The following PTPRZ1 variants were observed in gnomAD, a reference collection of about 807,000 sequenced individuals.
The protein encoded by PTPRZ1 is receptor-type tyrosine-protein phosphatase zeta.
PTPRZ1 carries 82 observed loss-of-function variants against 214.1 expected under a neutral mutation model. That is an observed-to-expected ratio of 0.38 (90% CI 0.32 to 0.46). The LOEUF is 0.46. PTPRZ1 is among the 20% of genes least tolerant of loss of function. PTPRZ1 has a pLI of 1.00. For synonymous variants in PTPRZ1, 945 were observed against 987.9 expected (o/e 0.96, Z 0.81); for missense variants, 2,603 against 2,748.7 (o/e 0.95, Z 1.19).
intron 9 of PTPRZ1, among the ~76,000 whole-genome samples, chr7:121,997,667 CAA>C (rs200025096): frequency 4.8e-4 from 39 of 82,010 alleles, no homozygotes; most frequent in Admixed American, 9.7e-4. Flanking sequence ...TTTTAAAAAG[CAA>C]AAAAAAAAAA....
chr7:122,022,233 T>C (rs1260755197), intron 13 of PTPRZ1, among the ~76,000 whole-genome samples: 5 of 152,244 alleles, frequency 3.3e-5, no homozygotes, highest in African/African-American at 9.6e-5. Flanking sequence ...TATGATTCAA[T>C]GGTTTTTAAA....
Position 122,013,590 on chromosome 7 carries a change from A to G in PTPRZ1, c.4544A>G (p.His1515Arg). ...TCAGCAAATGGGCTATCCCAAAAGC[A>G]CAATGATGGAAAAGAGGAAAATGAC... is the stretch of plus-strand genomic sequence containing the variant. ...SPSANGLSQK[H>R]NDGKEENDIQ... is the part of the protein sequence containing the mutation. The change falls in exon 12 of 30, where the codon CAC becomes CGC. Residue 1515 changes from histidine to arginine, a missense_variant. This residue lies in a region of PTPRZ1 where 1,913 missense variants were observed against 1,914.3 expected (regional missense o/e 1.00). Coordinates refer to ENST00000393386, the MANE Select transcript of PTPRZ1 (RefSeq NM_002851.3). The G allele has an allele frequency of 6.2e-7, 1 of 1,614,226 alleles. No homozygotes were observed.
At chr7:122,022,665 A>T (rs1236437023) in intron 13 of PTPRZ1, among the ~76,000 whole-genome samples, 1 of 152,172 alleles carries the variant, frequency 6.6e-6, no homozygotes, top group Admixed American at 6.6e-5. Context: ...TTTAATTTTG[A>T]TGAGGCCAAA....
chr7:122,038,601 A>G (rs901221526), intron 18 of PTPRZ1, among the ~76,000 whole-genome samples, 154 bp from the exon 19 acceptor site: 1 of 139,826 alleles, frequency 7.2e-6, no homozygotes, highest in African/African-American at 2.7e-5. Context: ...TAGCTATCTT[A>G]GTTGGTACCA....
Position 122,010,487 on chromosome 7 carries a change from C to CGGTT in PTPRZ1, c.1442_1443insGTTG (p.Ser482LeufsTer8), listed in dbSNP as rs1400149074. ...GAAATACAATGAAGCCAAGACTAACCGATCCCCAACAAGAGGAAGTGAATT... is the reference window on the plus strand; with the variant it reads ...GAAATACAATGAAGCCAAGACTAACCGGTTGATCCCCAACAAGAGGAAGTGAATT... On this transcript the variant is annotated frameshift_variant, in exon 12 of 30. Coordinates refer to ENST00000393386, the MANE Select transcript of PTPRZ1 (RefSeq NM_002851.3). LOFTEE classifies it high-confidence loss of function. 1 of 1,614,040 alleles carries CGGTT rather than the reference C, an allele frequency of 6.2e-7. No individual in the cohort carries two copies.
At chr7:121,951,173 T>C (rs1226886321) in intron 2 of PTPRZ1, among the ~76,000 whole-genome samples, 1 of 152,206 alleles carries the variant, frequency 6.6e-6, no homozygotes, top group African/African-American at 2.4e-5. Context: ...GTTTGTCAGT[T>C]TTTATAGAGA....
At chr7:122,054,074 CA>C in intron 26 of PTPRZ1, 36 bp downstream of exon 26, 1 of 1,607,160 alleles carries the variant, frequency 6.2e-7, no homozygotes, top group South Asian at 1.1e-5. Flanking sequence ...ACTTCCTTTA[CA>C]GAGGAATATC....
intron 15 of PTPRZ1, among the ~76,000 whole-genome samples, chr7:122,032,554 T>G (rs1019606357): frequency 1.3e-5 from 2 of 152,060 alleles, no homozygotes; most frequent in Non-Finnish European, 2.9e-5. Flanking sequence ...CGGACCTCCC[T>G]CTTTGAAGTA....
At chr7:121,996,760 A>G (rs546918216) in intron 9 of PTPRZ1, among the ~76,000 whole-genome samples, 194 bp downstream of exon 9, 71 of 152,350 alleles carry the variant, frequency 4.7e-4, no homozygotes, top group African/African-American at 1.6e-3. Context: ...TTAAAGTTAC[A>G]TTTAATTAAA....
In PTPRZ1 at chr7:122,036,535, A is replaced by G. The variant is rs1237314332; in HGVS notation, c.5285-65A>G. ...GAATGAAATAAATTATTATGCAAAT[A>G]TGAATTATCTTTGTGCTGAAAAGTA... On this transcript the variant is annotated intron_variant, in intron 17 of 29. Transcript: ENST00000393386. The G allele has an allele frequency of 1.0e-5, 11 of 1,058,180 alleles. No individual in the cohort carries two copies. The South Asian group carries it at 1.2e-4, about 11-fold the overall frequency. 65.5% of individuals were successfully genotyped at this position (1,058,180 alleles called of 1,614,324 possible).
At chr7:122,042,311 T>C (rs1799755512) in intron 21 of PTPRZ1, among the ~76,000 whole-genome samples, 1 of 152,204 alleles carries the variant, frequency 6.6e-6, no homozygotes, top group South Asian at 2.1e-4. Flanking sequence ...TTGTACAATA[T>C]ACAATGAATA....
chr7:121,932,510 GTTGAGCTGTATGT>G (rs1795954419), intron 2 of PTPRZ1, among the ~76,000 whole-genome samples: 1 of 152,050 alleles, frequency 6.6e-6, no homozygotes, highest in Non-Finnish European at 1.5e-5. Context: ...AGTTTATCTT[GTTGAGCTGTATGT>G]TTGTATTCCT....
chr7:122,061,200 A>G lies in PTPRZ1; in HGVS notation c.6928A>G (p.Ser2310Gly), dbSNP rs758054623. The change falls in exon 30 of 30, where the codon AGC (serine) becomes GGC (glycine). Residue 2310 changes from serine (S) to glycine (G), a missense_variant. Ser to Gly is a moderately conservative substitution (Grantham distance 56). Transcript: ENST00000393386. ...ATTGCCTGATGGAAATATAGCTGAG[A>G]GCTTAGAGTCTTTAGTTTAACACAG... ...AALPDGNIAE[S>G]LESLV The G allele has an allele frequency of 1.4e-5, 22 of 1,603,828 alleles. No individual in the cohort carries two copies. The Middle Eastern group carries it at 8.3e-4, about 61-fold the overall frequency.
chr7:121,928,091 G>C, intron 1 of PTPRZ1, 65 bp from the exon 2 acceptor site: 1 of 1,120,028 alleles, frequency 8.9e-7, no homozygotes, highest in East Asian at 2.4e-5. Context: ...GAATAATTTG[G>C]GCATCTTTTA....
chr7:121,898,976 A>G (rs765845783), intron 1 of PTPRZ1, among the ~76,000 whole-genome samples: 8 of 152,164 alleles, frequency 5.3e-5, no homozygotes, highest in Non-Finnish European at 7.4e-5. Context: ...GTAAACTTTT[A>G]TTTATTCATA....
At chr7:121,973,737 C>A (rs1315798674) in intron 4 of PTPRZ1, among the ~76,000 whole-genome samples, 1 of 151,958 alleles carries the variant, frequency 6.6e-6, no homozygotes, top group African/African-American at 2.4e-5. Flanking sequence ...AGTTCCAGAC[C>A]AGCCTGGCCA....
At chr7:122,037,796 C>T (rs1799595163) in intron 18 of PTPRZ1, among the ~76,000 whole-genome samples, 1 of 152,180 alleles carries the variant, frequency 6.6e-6, no homozygotes, top group Non-Finnish European at 1.5e-5. Flanking sequence ...CTTAACTCCT[C>T]TGAGCTTTAG....
At chr7:121,887,151 C>T (rs1008926846) in intron 1 of PTPRZ1, among the ~76,000 whole-genome samples, 2 of 152,152 alleles carry the variant, frequency 1.3e-5, no homozygotes, top group Non-Finnish European at 2.9e-5. Flanking sequence ...TCTGTTGTTT[C>T]CATGACTGTA....
intron 1 of PTPRZ1, among the ~76,000 whole-genome samples, chr7:121,914,544 C>A (rs1795363737): frequency 6.6e-6 from 1 of 152,150 alleles, no homozygotes; most frequent in Non-Finnish European, 1.5e-5. Context: ...GGCATTAAGC[C>A]ATGAAAAGGA....
Sources: gnomAD v4.1 joint callset for allele counts (sites outside exome capture counted in the v4.1 genomes callset) on GRCh38, gnomAD v4.1.1 for gene constraint, gnomAD v4.1.1 regional missense constraint, MANE v1.5 for transcripts, NCBI Gene and HGNC (gene_info 2026-07-23, HGNC 2026-07-21) for gene names.